TTLL5: variants seen among roughly 807,000 people sequenced by gnomAD.
The protein encoded by TTLL5 is tubulin tyrosine ligase like 5, also known as tubulin polyglutamylase TTLL5.
In TTLL5, 132 loss-of-function variants were observed where a neutral mutation model predicts 168.4. The ratio of observed to expected loss-of-function variants is 0.78; its 90% CI spans 0.68 to 0.91. TTLL5 has a LOEUF of 0.91. TTLL5 is among the 40% of genes least tolerant of loss of function. The pLI, the probability that TTLL5 is intolerant of heterozygous loss-of-function variation, is 0.00. For synonymous variants in TTLL5, 546 were observed against 558.6 expected (o/e 0.98, Z 0.32); for missense variants, 1,545 against 1,581.5 (o/e 0.98, Z 0.39).
intron 29 of TTLL5, among the ~76,000 whole-genome samples, chr14:75,864,791 T>C (rs2030371049): frequency 6.6e-6 from 1 of 152,230 alleles, no homozygotes; most frequent in Non-Finnish European, 1.5e-5. Flanking sequence ...ATCATTTTTT[T>C]CTTATAAAAA....
intron 29 of TTLL5, among the ~76,000 whole-genome samples, chr14:75,866,139 A>G (rs538885456): frequency 1.3e-5 from 2 of 152,370 alleles, no homozygotes; most frequent in Middle Eastern, 6.8e-3. Flanking sequence ...AATATGTAGA[A>G]ACTTAGAGCA....
At chr14:75,873,510 T>C (rs574951647) in intron 29 of TTLL5, among the ~76,000 whole-genome samples, 7 of 152,356 alleles carry the variant, frequency 4.6e-5, no homozygotes, top group African/African-American at 1.7e-4. Context: ...AGTGAAATGA[T>C]TTTGTCATTA....
At chr14:75,791,827 G>A (rs564962790) in intron 26 of TTLL5, among the ~76,000 whole-genome samples, 30 of 152,114 alleles carry the variant, frequency 2.0e-4, no homozygotes, top group African/African-American at 6.7e-4. Context: ...CAGGAAATAG[G>A]TTATATTATT....
chr14:75,749,719 T>C (rs896210545), intron 17 of TTLL5, among the ~76,000 whole-genome samples: 1 of 152,182 alleles, frequency 6.6e-6, no homozygotes, highest in Non-Finnish European at 1.5e-5. Flanking sequence ...GAAAAGAGGC[T>C]CAATTAATAT....
rs908608509 is a variant in TTLL5, at chr14:75,716,602, C to CT, written c.741-1249dup. On this transcript the variant is annotated intron_variant, in intron 9 of 31. Coordinates refer to ENST00000298832, the MANE Select transcript of TTLL5 (RefSeq NM_015072.5). Reference sequence around the variant, plus strand: ...CATATGAAAATAAACTTGTGGCCTTCTTTTTTTTTTCACACACTTGGATAT... The same window carrying CT: ...CATATGAAAATAAACTTGTGGCCTTCTTTTTTTTTTTCACACACTTGGATAT... 8.9e-4 allele frequency among the ~76,000 whole-genome samples: 132 copies of CT among 148,504 alleles called. 2 individuals are homozygous for CT. The highest frequency in any genetic ancestry group is 2.7e-3 in the Admixed American group (41 of 14,936).
chr14:75,664,819 G>A (rs961293008), intron 2 of TTLL5, among the ~76,000 whole-genome samples: 25 of 152,158 alleles, frequency 1.6e-4, no homozygotes, highest in African/African-American at 5.5e-4. Context: ...GCAAGTATCA[G>A]TCTTTCCCTT....
intron 15 of TTLL5, among the ~76,000 whole-genome samples, chr14:75,743,796 T>G (rs967875956): frequency 4.6e-5 from 7 of 151,976 alleles, no homozygotes; most frequent in South Asian, 2.1e-4. Context: ...TTAGCCAGGA[T>G]GGTCTCAATC....
At chr14:75,689,761 T>C (rs142585715) in intron 5 of TTLL5, 39 of 191,676 alleles carry the variant, frequency 2.0e-4, no homozygotes, top group Non-Finnish European at 3.7e-4. Flanking sequence ...TTCCACTTAT[T>C]TGACTTTCTG....
chr14:75,783,420 G>A lies in TTLL5; in HGVS notation c.2876G>A (p.Gly959Asp), dbSNP rs1892172730. The change falls in exon 26 of 32, where the codon GGC (glycine) becomes GAC (aspartate). Residue 959 changes from glycine to aspartate, a missense_variant. By Grantham distance (94) the Gly-to-Asp change is moderately conservative. Transcript: ENST00000298832. ...PGAQNIPSPT[G>D]LPRCRSGSHT... ...GCACAGAACATCCCAAGCCCTACTG[G>A]CCTGCCACGCTGTCGATCAGGAAGT... 1 of 1,614,006 alleles carries A rather than the reference G, an allele frequency of 6.2e-7. No individual in the cohort carries two copies.
intron 21 of TTLL5, among the ~76,000 whole-genome samples, chr14:75,772,146 G>A (rs942319056): frequency 1.3e-5 from 2 of 152,064 alleles, no homozygotes; most frequent in African/African-American, 2.4e-5. Context: ...CATTGGACGT[G>A]AAGCCCTGTG....
chr14:75,788,868 A>G (rs568768875), intron 26 of TTLL5, among the ~76,000 whole-genome samples: 7 of 152,342 alleles, frequency 4.6e-5, no homozygotes, highest in East Asian at 1.9e-4. Context: ...ATAAAAGCCA[A>G]TCAACTCTAG....
intron 28 of TTLL5, among the ~76,000 whole-genome samples, chr14:75,836,863 G>C (rs370581444): frequency 4.4e-4 from 67 of 152,240 alleles, no homozygotes; most frequent in African/African-American, 1.5e-3. Flanking sequence ...ATGAAAATAT[G>C]CCCTAAATTG....
At chr14:75,722,644 T>A (rs1160690309) in intron 12 of TTLL5, among the ~76,000 whole-genome samples, 4 of 149,126 alleles carry the variant, frequency 2.7e-5, no homozygotes, top group African/African-American at 9.8e-5. Flanking sequence ...CCTTTTTAAA[T>A]TTTTTTTTTT....
At chr14:75,892,208 C>T (rs1400239095) in intron 30 of TTLL5, among the ~76,000 whole-genome samples, 1 of 152,238 alleles carries the variant, frequency 6.6e-6, no homozygotes, top group Non-Finnish European at 1.5e-5. Context: ...CACACTTTCA[C>T]ATCCATTTCC....
At chr14:75,902,820 A>C (rs1224691237) in intron 31 of TTLL5, among the ~76,000 whole-genome samples, 1 of 152,248 alleles carries the variant, frequency 6.6e-6, no homozygotes, top group Non-Finnish European at 1.5e-5. Flanking sequence ...ATGAACTATT[A>C]AGTCAGAAAA....
chr14:75,886,893 C>T (rs1325286336), intron 30 of TTLL5: 1 of 1,468,962 alleles, frequency 6.8e-7, no homozygotes, highest in African/African-American at 1.4e-5. Context: ...GTTTGCCAGG[C>T]ACAAGGGCAA....
At chr14:75,937,604 A>G (rs1566668777) in intron 31 of TTLL5, among the ~76,000 whole-genome samples, 1 of 152,102 alleles carries the variant, frequency 6.6e-6, no homozygotes, top group Non-Finnish European at 1.5e-5. Context: ...ACCTCATATA[A>G]GTGGAATCAT....
At chr14:75,786,276 A>G (rs761043342) in intron 26 of TTLL5, among the ~76,000 whole-genome samples, 7 of 152,340 alleles carry the variant, frequency 4.6e-5, no homozygotes, top group Non-Finnish European at 5.9e-5. Context: ...GAAATTCAGT[A>G]AGATGAATGT....
At chr14:75,884,245 A>C (rs562300298) in intron 30 of TTLL5, among the ~76,000 whole-genome samples, 20 of 152,318 alleles carry the variant, frequency 1.3e-4, no homozygotes, top group African/African-American at 4.8e-4. Context: ...TAACTAGGAA[A>C]ATTTTTGAGC....
Sources: allele counts gnomAD v4.1 joint callset (sites outside exome capture counted in the v4.1 genomes callset), GRCh38; gene constraint gnomAD v4.1.1; transcripts MANE v1.5; gene names NCBI Gene and HGNC (gene_info 2026-07-23, HGNC 2026-07-21).